Variants in DIXDC1 observed in about 807,000 individuals in gnomAD.
DIXDC1 encodes the protein dixin.
A neutral mutation model predicts 103.1 loss-of-function variants in DIXDC1; 64 were observed. The observed-to-expected ratio is 0.62, with a 90% confidence interval of 0.51 to 0.76. The LOEUF is 0.76. DIXDC1 is among the 30% of genes least tolerant of loss of function. The pLI is 0.00. For missense variants in DIXDC1, 759 were observed against 834.2 expected (o/e 0.91, Z 1.11); for synonymous variants, 266 against 298.5 (o/e 0.89, Z 1.12).
Position 111,982,404 on chromosome 11 carries a change from T to G in DIXDC1, c.835T>G (p.Ser279Ala). 6.2e-7 allele frequency: 1 copy of G among 1,613,956 alleles called. No homozygotes were observed. ...PGSPGTYLET[S>A]WEEQLLEQQE... Reference sequence around the variant, plus strand: ...GAGCCCTGGAACCTATCTGGAGACCTCATGGGAAGAACAGCTGTTGGAACA... The same window carrying G: ...GAGCCCTGGAACCTATCTGGAGACCGCATGGGAAGAACAGCTGTTGGAACA... Residue 279 changes from serine (S) to alanine (A), a missense_variant, in exon 7 of 20, where the codon TCA becomes GCA. Ser to Ala is a moderately conservative substitution (Grantham distance 99, BLOSUM62 1). This residue lies in a region of DIXDC1 where 657 missense variants were observed against 727.5 expected (regional missense o/e 0.90). Transcript: ENST00000440460.
intron 1 of DIXDC1, among the ~76,000 whole-genome samples, chr11:111,954,503 T>C (rs1368518397): frequency 5.3e-5 from 8 of 152,208 alleles, no homozygotes; most frequent in Non-Finnish European, 1.2e-4. Flanking sequence ...TTACATTGTA[T>C]TAGCTATTAC....
Position 111,977,728 on chromosome 11 carries a change from C to T in DIXDC1, c.656+2745C>T, listed in dbSNP as rs782234874. 116 of 1,553,942 alleles carry T rather than the reference C, an allele frequency of 7.5e-5. No homozygotes were observed. Among genetic ancestry groups the T allele is most frequent in the Middle Eastern group, 1.7e-4 (1 of 5,998 alleles). ...ATGTGACTCTCAGCCTCCCACTTCA[C>T]CCGGGGACGCAGGCTTGCTGAAGCC... On this transcript the variant is annotated intron_variant, in intron 5 of 19. Transcript: ENST00000440460. This position sits in a 1 kb window ranked among gnomAD's most constrained non-coding sequence, Gnocchi z 6.1.
rs1178509910 is a variant in DIXDC1, at chr11:112,002,290, G to T, written c.1756+6144G>T. ...AAAAAAAAAGGATGCTAGCAAGGAT[G>T]CAGAGAAAGGGGAATGCTTATTATG... On this transcript the variant is annotated intron_variant, in intron 17 of 19. Transcript: ENST00000440460. 2.0e-5 allele frequency among the ~76,000 whole-genome samples: 3 copies of T among 151,324 alleles called. No homozygotes were observed. The East Asian group carries it at 5.8e-4, about 29-fold the overall frequency.
chr11:112,012,073 G>A (rs1317420901), intron 17 of DIXDC1, among the ~76,000 whole-genome samples: 2 of 152,142 alleles, frequency 1.3e-5, no homozygotes, highest in Non-Finnish European at 2.9e-5. Flanking sequence ...TTAAATAAAC[G>A]GAGAGATATA....
chr11:111,993,947 T>C (rs1555174991), intron 14 of DIXDC1, among the ~76,000 whole-genome samples: 1 of 152,210 alleles, frequency 6.6e-6, no homozygotes, highest in African/African-American at 2.4e-5. Context: ...CAGTTGCTTA[T>C]CTTCTGAGCC....
intron 17 of DIXDC1, among the ~76,000 whole-genome samples, chr11:112,006,151 TG>T (rs1555176613): frequency 6.6e-6 from 1 of 152,048 alleles, no homozygotes; most frequent in Non-Finnish European, 1.5e-5. Flanking sequence ...CCTGGCTCGG[TG>T]GTTCCCACAC....
At chr11:112,012,648 CA>C (rs1861460447) in intron 17 of DIXDC1, among the ~76,000 whole-genome samples, 1 of 152,302 alleles carries the variant, frequency 6.6e-6, no homozygotes, top group South Asian at 2.1e-4. Context: ...TAGATATACA[CA>C]AGGATATGTT....
Position 111,977,519 on chromosome 11 carries a change from A to G in DIXDC1, c.656+2536A>G. The stretch of plus-strand genomic sequence containing the variant: ...TTCCGCCGGGGCCGGGCTGCTGCAC[A>G]GTCTGAGCGGCCGGGACTGCGCGCT... On this transcript the variant is annotated intron_variant, in intron 5 of 19. Transcript: ENST00000440460. The surrounding 1 kb of genome is among the most constrained non-coding windows in gnomAD (Gnocchi z 6.1). The G allele has an allele frequency of 7.1e-7, 1 of 1,399,422 alleles. No homozygotes were observed. Among genetic ancestry groups the G allele is most frequent in the Non-Finnish European group, 9.3e-7 (1 of 1,079,742 alleles). The allele number at this position is 1,399,422 out of a possible 1,614,324, so 86.7% of individuals were successfully genotyped here.
chr11:111,997,428 C>G (rs782630894), intron 17 of DIXDC1, among the ~76,000 whole-genome samples: 1 of 151,978 alleles, frequency 6.6e-6, no homozygotes, highest in Non-Finnish European at 1.5e-5. Context: ...CTCTGTCTCC[C>G]GGGTTCAAGC....
intron 17 of DIXDC1, among the ~76,000 whole-genome samples, chr11:112,004,078 G>C (rs1243109577): frequency 1.4e-5 from 2 of 146,826 alleles, no homozygotes; most frequent in Non-Finnish European, 3.0e-5. Context: ...ATATATATGT[G>C]TGTGTATATG....
At chr11:111,982,559 AAACTGATTTTAGTTTTCTAGGAGGTCAG>A in intron 7 of DIXDC1, 72 bp downstream of exon 7, 34 of 1,521,164 alleles carry the variant, frequency 2.2e-5, no homozygotes, top group Non-Finnish European at 3.0e-5. Flanking sequence ...AATGGAAAAT[AAACTGATTTTAGTTTTCTAGGAGGTCAG>A]AACTGAATGA....
intron 2 of DIXDC1, chr11:111,930,044 C>A: frequency 1.3e-6 from 1 of 788,874 alleles, no homozygotes; most frequent in Non-Finnish European, 1.9e-6. Flanking sequence ...TTTTTTTTTG[C>A]TTTTCCTTCT....
At chr11:111,945,835 C>T (rs1159178342) in intron 1 of DIXDC1, 1 of 152,308 alleles carries the variant, frequency 6.6e-6, no homozygotes, top group African/African-American at 2.4e-5. Context: ...GTGGCACGAT[C>T]TCAGCTCCCT....
rs781825598 is a variant in DIXDC1, at chr11:111,993,619, G to T, written c.1365+31G>T. ...AACATATTCAGCCACTGACTTCCCT[G>T]CCTCTTTGGCCCAAAGAAATCATTT... On this transcript the variant is annotated intron_variant, in intron 13 of 19. Transcript: ENST00000440460. 3.7e-6 allele frequency: 6 copies of T among 1,613,784 alleles called. No homozygotes were observed. In the Admixed American group the frequency reaches 1.0e-4, roughly 27 times the overall value.
intron 1 of DIXDC1, among the ~76,000 whole-genome samples, chr11:111,941,837 TAC>T (rs10635444): frequency 0.024 from 3,383 of 138,920 alleles, 70 homozygotes; most frequent in African/African-American, 0.059. Flanking sequence ...CGAAACAAAA[TAC>T]ACACACACAC....
chr11:111,952,838 C>T (rs930306477), intron 1 of DIXDC1, among the ~76,000 whole-genome samples: 22 of 148,482 alleles, frequency 1.5e-4, no homozygotes, highest in Admixed American at 2.7e-4. Flanking sequence ...AAAAAAAAAT[C>T]CAAAAATTAG....
chr11:111,975,861 T>A, intron 5 of DIXDC1: 1 of 984,238 alleles, frequency 1.0e-6, no homozygotes, highest in Non-Finnish European at 1.2e-6. Context: ...TGAGGTCATA[T>A]GGAACTCTTT....
upstream of DIXDC1, chr11:111,937,240 G>C (rs587675042): frequency 7.1e-5 from 85 of 1,195,882 alleles, no homozygotes; most frequent in African/African-American, 8.6e-4. Context: ...GCCCGGCAGC[G>C]CCGCTCAACC....
At chr11:111,988,451 G>T (rs1403268450) in intron 9 of DIXDC1, among the ~76,000 whole-genome samples, 6 of 152,140 alleles carry the variant, frequency 3.9e-5, no homozygotes, top group African/African-American at 1.4e-4. Context: ...ATTTCCTAGT[G>T]ACAATCGTAT....
Sources: allele counts gnomAD v4.1 joint callset (sites outside exome capture counted in the v4.1 genomes callset), GRCh38; gene constraint gnomAD v4.1.1; regional missense constraint gnomAD v4.1.1; non-coding constraint Gnocchi (gnomAD v3.1); transcripts MANE v1.5; gene names NCBI Gene and HGNC (gene_info 2026-07-23, HGNC 2026-07-21).